DOCK1: variants seen among roughly 807,000 people sequenced by gnomAD.
DOCK1 encodes dedicator of cytokinesis 1.
A neutral mutation model predicts 262.7 loss-of-function variants in DOCK1; 138 were observed. That is an observed-to-expected ratio of 0.53 (90% CI 0.46 to 0.61). The LOEUF is 0.61. Ranked by LOEUF, DOCK1 falls within the 20% of genes least tolerant of loss-of-function variation. DOCK1 has a pLI of 0.00. For synonymous variants in DOCK1, 866 were observed against 867.4 expected, an observed-to-expected ratio of 1.00 and a Z score of 0.03; for missense variants, 1,908 against 2,370.7, an observed-to-expected ratio of 0.80 and a Z score of 4.05.
intron 27 of DOCK1, among the ~76,000 whole-genome samples, chr10:127,244,516 A>G (rs544475796): frequency 6.6e-6 from 1 of 152,232 alleles, no homozygotes; most frequent in African/African-American, 2.4e-5. Flanking sequence ...CCAACAGCAC[A>G]CAAGAGTCCT....
intron 29 of DOCK1, among the ~76,000 whole-genome samples, chr10:127,291,356 G>A (rs188567257): frequency 2.0e-5 from 3 of 152,314 alleles, no homozygotes; most frequent in Non-Finnish European, 4.4e-5. Context: ...TGGCCACTTG[G>A]CATTCTCAGT....
At chr10:127,250,538 C>T (rs1485689107) in intron 28 of DOCK1, among the ~76,000 whole-genome samples, 2 of 152,030 alleles carry the variant, frequency 1.3e-5, no homozygotes, top group Admixed American at 6.6e-5. Context: ...CGCCTGTAAT[C>T]CCAGCACTTT....
At chr10:127,211,798 T>C (rs1434852367) in intron 27 of DOCK1, among the ~76,000 whole-genome samples, 1 of 152,136 alleles carries the variant, frequency 6.6e-6, no homozygotes. Flanking sequence ...TGAATCCTCA[T>C]GGGATGTGCG....
At chr10:126,971,452 G>A (rs1308280517) in intron 2 of DOCK1, among the ~76,000 whole-genome samples, 2 of 152,122 alleles carry the variant, frequency 1.3e-5, no homozygotes, top group Non-Finnish European at 2.9e-5. Flanking sequence ...TTGCTCCATC[G>A]TGCAGGTTGG....
chr10:127,312,419 T>A (rs1471067816), intron 29 of DOCK1, among the ~76,000 whole-genome samples: 1 of 152,136 alleles, frequency 6.6e-6, no homozygotes, highest in Admixed American at 6.5e-5. Context: ...TCCCAGGCCC[T>A]ATGCACTTCT....
chr10:126,977,065 C>T lies in DOCK1; in HGVS notation c.131-883C>T, dbSNP rs546599081. Among the ~76,000 whole-genome samples, 6 of 152,306 alleles carry T rather than the reference C, an allele frequency of 3.9e-5. No homozygotes were observed. The South Asian group carries it at 1.2e-3, about 32-fold the overall frequency. ...GAGCTTTTGATTAGCTTTCCAGAAA[C>T]TAGATGGCCTGGAGTGACTTCAGAA... On this transcript the variant is annotated intron_variant, in intron 2 of 51. Coordinates refer to ENST00000623213, the MANE Select transcript of DOCK1 (RefSeq NM_001290223.2).
chr10:126,937,066 A>G (rs2034602836), intron 1 of DOCK1, among the ~76,000 whole-genome samples: 1 of 152,046 alleles, frequency 6.6e-6, no homozygotes. Context: ...AGACGACTCT[A>G]GGAACTTCAT....
chr10:127,011,700 C>T (rs1266419060), intron 11 of DOCK1, among the ~76,000 whole-genome samples: 4 of 150,288 alleles, frequency 2.7e-5, no homozygotes, highest in African/African-American at 9.8e-5. Context: ...CCATTCTTCT[C>T]ACATGTAGTC....
chr10:127,443,636 C>T (rs959918430), intron 49 of DOCK1, among the ~76,000 whole-genome samples: 1 of 151,372 alleles, frequency 6.6e-6, no homozygotes, highest in Non-Finnish European at 1.5e-5. Context: ...TGCTCATTAC[C>T]GCCACCCCAA....
At chr10:127,241,347 A>G (rs561042480) in intron 27 of DOCK1, among the ~76,000 whole-genome samples, 1 of 152,186 alleles carries the variant, frequency 6.6e-6, no homozygotes, top group Admixed American at 6.5e-5. Flanking sequence ...AATTATTATT[A>G]TTGTAGTTTT....
At chr10:126,996,995 G>A (rs2040244409) in intron 7 of DOCK1, 112 bp downstream of exon 7, 1 of 1,236,840 alleles carries the variant, frequency 8.1e-7, no homozygotes, top group Non-Finnish European at 1.1e-6. Context: ...CTGAAAAGGA[G>A]TAGCTGCAGA....
At chr10:127,034,606 A>G (rs1000207815) in intron 18 of DOCK1, among the ~76,000 whole-genome samples, 5 of 152,152 alleles carry the variant, frequency 3.3e-5, no homozygotes, top group African/African-American at 7.2e-5. Flanking sequence ...CGCCTGACAG[A>G]TGACAGCATC....
At chr10:127,169,903 C>T (rs777827488) in intron 27 of DOCK1, among the ~76,000 whole-genome samples, 2 of 152,146 alleles carry the variant, frequency 1.3e-5, no homozygotes, top group Non-Finnish European at 2.9e-5. Flanking sequence ...TGTATTAACT[C>T]GTTCCATCCC....
intron 27 of DOCK1, among the ~76,000 whole-genome samples, chr10:127,227,603 C>T (rs576314132): frequency 8.5e-5 from 13 of 152,328 alleles, no homozygotes; most frequent in African/African-American, 2.6e-4. Context: ...ACAACCCTAC[C>T]CCTTCTGCAC....
At chr10:127,235,565 C>T (rs1046840382) in intron 27 of DOCK1, among the ~76,000 whole-genome samples, 1 of 152,044 alleles carries the variant, frequency 6.6e-6, no homozygotes, top group Admixed American at 6.6e-5. Context: ...CTATGTGTGG[C>T]AATTATGAAG....
chr10:127,380,865 C>T (rs1440642137), intron 36 of DOCK1, among the ~76,000 whole-genome samples: 1 of 152,130 alleles, frequency 6.6e-6, no homozygotes, highest in Non-Finnish European at 1.5e-5. Flanking sequence ...AACTCAGTTA[C>T]CTTTATTTCT....
chr10:127,007,169 G>A (rs1021410008), intron 10 of DOCK1, among the ~76,000 whole-genome samples: 2 of 152,072 alleles, frequency 1.3e-5, no homozygotes, highest in African/African-American at 2.4e-5. Context: ...AAACACAGCC[G>A]TGGGCTCCTG....
intron 23 of DOCK1, among the ~76,000 whole-genome samples, chr10:127,067,458 T>A (rs1192302060): frequency 6.6e-6 from 1 of 152,114 alleles, no homozygotes; most frequent in African/African-American, 2.4e-5. Context: ...TTGACCATGA[T>A]CCACAGTAGG....
chr10:127,216,940 A>T (rs896973893), intron 27 of DOCK1, among the ~76,000 whole-genome samples: 1 of 152,178 alleles, frequency 6.6e-6, no homozygotes, highest in Non-Finnish European at 1.5e-5. Flanking sequence ...AACTGGCATC[A>T]TTTCCATTTG....
Sources: gnomAD v4.1 joint callset for allele counts (sites outside exome capture counted in the v4.1 genomes callset) on GRCh38, gnomAD v4.1.1 for gene constraint, MANE v1.5 for transcripts, NCBI Gene and HGNC (gene_info 2026-07-23, HGNC 2026-07-21) for gene names.